Variants in SPRED2 observed in about 807,000 individuals in gnomAD.
SPRED2 encodes the protein sprouty-related, EVH1 domain-containing protein 2.
SPRED2 carries 47 observed loss-of-function variants against 43.0 expected under a neutral mutation model. The observed-to-expected ratio is 1.09, with a 90% confidence interval of 0.87 to 1.40. The LOEUF (loss-of-function observed/expected upper bound fraction) is 1.40, where lower values mean the gene tolerates loss of function less well. Among genes scored for constraint, SPRED2 ranks in the 40% most tolerant of loss-of-function variants. The pLI, the probability that SPRED2 is intolerant of heterozygous loss-of-function variation, is 0.00. For missense variants in SPRED2, 561 were observed against 586.4 expected, an observed-to-expected ratio of 0.96 and a Z score of 0.45; for synonymous variants, 225 against 225.7, an observed-to-expected ratio of 1.00 and a Z score of 0.03.
At chr2:65,370,114 T>G (rs1675088763) in intron 1 of SPRED2, among the ~76,000 whole-genome samples, 1 of 152,094 alleles carries the variant, frequency 6.6e-6, no homozygotes, top group Non-Finnish European at 1.5e-5. Context: ...AAAGCATGAG[T>G]TTGGAGTGAA....
At chr2:65,398,366 A>T (rs1279039113) in intron 1 of SPRED2, among the ~76,000 whole-genome samples, 1 of 152,228 alleles carries the variant, frequency 6.6e-6, no homozygotes, top group African/African-American at 2.4e-5. Flanking sequence ...AGCAAATGCA[A>T]CAAAAACAAA....
chr2:65,338,247 GTCTCCC>G (rs1277040911), intron 2 of SPRED2, among the ~76,000 whole-genome samples: 19 of 38,496 alleles, frequency 4.9e-4, no homozygotes, highest in South Asian at 2.9e-3. Flanking sequence ...TCCCTCTCCC[GTCTCCC>G]TCTCCCTCTC....
At chr2:65,428,730 A>C (rs2103819946) in intron 1 of SPRED2, among the ~76,000 whole-genome samples, 1 of 152,370 alleles carries the variant, frequency 6.6e-6, no homozygotes, top group Middle Eastern at 3.4e-3. Flanking sequence ...TCATGAAAGG[A>C]ACAAAAGAAA....
chr2:65,338,979 G>A lies in SPRED2; in HGVS notation c.205-4206C>T, dbSNP rs1261890966. 1.1e-3 allele frequency among the ~76,000 whole-genome samples: 159 copies of A among 143,678 alleles called. 1 individual carries two copies. The highest frequency in any genetic ancestry group is 4.1e-3 in the African/African-American group (156 of 38,424). The allele number at this position is 143,678 out of a possible 152,430, so 94.3% of individuals were successfully genotyped here. A position where few individuals can be genotyped will look rare whatever the true frequency, so the allele number is the denominator to read the frequency against. ...CGTCCGGGAGGTGAGGGGCGCCTCT[G>A]CCCGGCGGCCCCTACTGGGAAGTGA... On this transcript the variant is annotated intron_variant, in intron 2 of 5. Transcript: ENST00000356388.
chr2:65,417,445 T>C (rs1046454000), intron 1 of SPRED2, among the ~76,000 whole-genome samples: 1 of 151,906 alleles, frequency 6.6e-6, no homozygotes, highest in African/African-American at 2.4e-5. Context: ...CTACCTACCA[T>C]GTTCAGGAGA....
intron 1 of SPRED2, among the ~76,000 whole-genome samples, chr2:65,350,868 T>C (rs1393413104): frequency 6.6e-6 from 1 of 152,230 alleles, no homozygotes; most frequent in Non-Finnish European, 1.5e-5. Flanking sequence ...TCACAAAGAA[T>C]GTGTGCTCTA....
At chr2:65,326,606 CCT>C (rs1673626612) in intron 4 of SPRED2, among the ~76,000 whole-genome samples, 1 of 152,112 alleles carries the variant, frequency 6.6e-6, no homozygotes, top group Non-Finnish European at 1.5e-5. Context: ...AGGACATTAT[CCT>C]CTCTCTAGGA....
At chr2:65,387,613 A>G (rs1046758718) in intron 1 of SPRED2, among the ~76,000 whole-genome samples, 3 of 152,222 alleles carry the variant, frequency 2.0e-5, no homozygotes, top group African/African-American at 2.4e-5. Flanking sequence ...CTAACTCCAG[A>G]GTGAAGATAC....
intron 1 of SPRED2, among the ~76,000 whole-genome samples, chr2:65,354,855 G>A (rs1409686596): frequency 2.6e-5 from 4 of 152,160 alleles, no homozygotes; most frequent in Non-Finnish European, 4.4e-5. Context: ...CACACAGGCA[G>A]CCAATTTTAG....
At chr2:65,424,008 C>T (rs941820792) in intron 1 of SPRED2, among the ~76,000 whole-genome samples, 4 of 152,036 alleles carry the variant, frequency 2.6e-5, no homozygotes, top group African/African-American at 4.8e-5. Flanking sequence ...GGGCTGGTCT[C>T]GAACTCCTGA....
chr2:65,408,932 C>A lies in SPRED2; in HGVS notation c.26+23030G>T, dbSNP rs529874311. Among the ~76,000 whole-genome samples, 5 of 152,238 alleles carry A rather than the reference C, an allele frequency of 3.3e-5. No homozygotes were observed. In the South Asian group the frequency reaches 1.0e-3, roughly 32 times the overall value. On this transcript the variant is annotated intron_variant, in intron 1 of 5. Coordinates refer to ENST00000356388, the MANE Select transcript of SPRED2 (RefSeq NM_181784.3). ...GCCCTAATTCTGCCTTTCATCATAACCCTTATATCCTATAGTCCTTAGCCT... is the reference window on the plus strand; with the variant it reads ...GCCCTAATTCTGCCTTTCATCATAAACCTTATATCCTATAGTCCTTAGCCT...
intron 1 of SPRED2, among the ~76,000 whole-genome samples, chr2:65,389,398 G>C (rs1362240819): frequency 6.6e-6 from 1 of 152,148 alleles, no homozygotes; most frequent in Admixed American, 6.5e-5. Flanking sequence ...GGGTGTGTTG[G>C]GGGAGGAAGG....
chr2:65,345,259 G>GT (rs66991368), intron 1 of SPRED2, among the ~76,000 whole-genome samples: 2,044 of 111,256 alleles, frequency 0.018, 74 homozygotes, highest in South Asian at 0.037. Context: ...TTTAGTTGTT[G>GT]TTTTTTTTTT....
Position 65,432,257 on chromosome 2 carries a change from A to T in SPRED2, c.-270T>A. ...AGGCTCCGGGGGCTCGGGAGCGGGC[A>T]GAGGGGGCGAGATTTGGGAAGGGGA... On this transcript the variant is annotated 5_prime_UTR_variant, in exon 1 of 6. Transcript: ENST00000356388. 1 of 465,646 alleles carries T rather than the reference A, an allele frequency of 2.1e-6. No individual in the cohort carries two copies. Among genetic ancestry groups the T allele is most frequent in the East Asian group, 3.9e-5 (1 of 25,906 alleles). The allele number at this position is 465,646 out of a possible 1,614,324, so 28.8% of individuals were successfully genotyped here.
intron 1 of SPRED2, among the ~76,000 whole-genome samples, chr2:65,422,785 G>A (rs1676462301): frequency 6.6e-6 from 1 of 152,120 alleles, no homozygotes; most frequent in Admixed American, 6.6e-5. Flanking sequence ...TTAACAAACA[G>A]CAGAGTACTG....
At chr2:65,356,860 G>A (rs891536067) in intron 1 of SPRED2, among the ~76,000 whole-genome samples, 2 of 152,058 alleles carry the variant, frequency 1.3e-5, no homozygotes, top group African/African-American at 4.8e-5. Context: ...TGGGTGTGAT[G>A]GCGGGCACCT....
chr2:65,340,729 A>T (rs1012590429), intron 2 of SPRED2, among the ~76,000 whole-genome samples: 6 of 152,248 alleles, frequency 3.9e-5, no homozygotes, highest in African/African-American at 1.4e-4. Flanking sequence ...ATATGTAACG[A>T]AACAAACTCC....
At chr2:65,356,982 A>G (rs1674671323) in intron 1 of SPRED2, among the ~76,000 whole-genome samples, 1 of 152,178 alleles carries the variant, frequency 6.6e-6, no homozygotes, top group Non-Finnish European at 1.5e-5. Flanking sequence ...CAACAGAATG[A>G]GTCTCTGTCT....
intron 1 of SPRED2, among the ~76,000 whole-genome samples, chr2:65,385,678 G>C (rs572449132): frequency 1.3e-5 from 2 of 152,174 alleles, no homozygotes; most frequent in African/African-American, 4.8e-5. Context: ...AAGGAGAAGG[G>C]CAAGAACCTA....
Sources: gnomAD v4.1 joint callset for allele counts (sites outside exome capture counted in the v4.1 genomes callset) on GRCh38, gnomAD v4.1.1 for gene constraint, MANE v1.5 for transcripts, NCBI Gene and HGNC (gene_info 2026-07-23, HGNC 2026-07-21) for gene names.